The following NYAP1 variants were observed in gnomAD, a reference collection of about 807,000 sequenced individuals.
NYAP1 encodes neuronal tyrosine phosphorylated phosphoinositide-3-kinase adaptor 1.
Under a neutral mutation model 58.6 loss-of-function variants are expected in NYAP1, and 20 were observed. That is an observed-to-expected ratio of 0.34 (90% CI 0.24 to 0.50). The LOEUF (loss-of-function observed/expected upper bound fraction) is 0.50, where lower values mean the gene tolerates loss of function less well. NYAP1 is among the 20% of genes least tolerant of loss of function. The pLI, the probability that NYAP1 is intolerant of heterozygous loss-of-function variation, is 0.98. For missense variants in NYAP1, 1,150 were observed against 1,194.5 expected, an observed-to-expected ratio of 0.96 and a Z score of 0.55; for synonymous variants, 572 against 523.1, an observed-to-expected ratio of 1.09 and a Z score of -1.27.
At position 100,494,115 on chromosome 7, in the gene NYAP1, G is replaced by C. The variant is rs1799837686; in HGVS notation, c.*212G>C. ...AGCGCTGCTGAGAAACGGAGGAGGAGGAGGGTTTGCTTGAGGTTGGGGCGA... is the reference window on the plus strand; with the variant it reads ...AGCGCTGCTGAGAAACGGAGGAGGACGAGGGTTTGCTTGAGGTTGGGGCGA... On this transcript the variant is annotated 3_prime_UTR_variant, in exon 7 of 7. Transcript: ENST00000300179. 4.0e-6 allele frequency: 2 copies of C among 501,804 alleles called. No individual in the cohort carries two copies. The highest frequency in any genetic ancestry group is 6.9e-6 in the Non-Finnish European group (2 of 291,362). 31.1% of individuals were successfully genotyped at this position (501,804 alleles called of 1,614,324 possible).
At chr7:100,493,010 A>G (rs1440701448) in intron 6 of NYAP1, among the ~76,000 whole-genome samples, 1 of 151,926 alleles carries the variant, frequency 6.6e-6, no homozygotes, top group Non-Finnish European at 1.5e-5. Flanking sequence ...AAGAGAAAGA[A>G]AGAAAGGGAG....
chr7:100,492,938 AAGAG>A (rs1045319938), intron 6 of NYAP1, among the ~76,000 whole-genome samples: 13 of 152,028 alleles, frequency 8.6e-5, no homozygotes, highest in African/African-American at 1.9e-4. Flanking sequence ...AGAAGGAAGA[AAGAG>A]AGAAGGAGAG....
At position 100,493,933 on chromosome 7, in the gene NYAP1, A is replaced by AC; in HGVS notation, c.*31dup. The AC allele has an allele frequency of 7.1e-7, 1 of 1,408,358 alleles. No individual in the cohort carries two copies. 87.2% of individuals were successfully genotyped at this position (1,408,358 alleles called of 1,614,324 possible). ...GGCGGGGGGGTACCGGGGCGCCTGG[A>AC]CTGGGGAGGGGGCGGGCACGCCTGG... is the stretch of plus-strand genomic sequence containing the variant. On this transcript the variant is annotated 3_prime_UTR_variant, in exon 7 of 7. Transcript: ENST00000300179.
At position 100,486,728 on chromosome 7, in the gene NYAP1, A is replaced by G; in HGVS notation, c.69-93A>G. ...CAGGCTCCCGTCCTCTTCCCTGGGAAGCCACAGGGTTGCTGACACCTCTTG... is the reference window on the plus strand; with the variant it reads ...CAGGCTCCCGTCCTCTTCCCTGGGAGGCCACAGGGTTGCTGACACCTCTTG... On this transcript the variant is annotated intron_variant, in intron 2 of 6. Transcript: ENST00000300179. This position sits in a 1 kb window ranked among gnomAD's most constrained non-coding sequence, Gnocchi z 6.2. 4 of 1,361,102 alleles carry G rather than the reference A, an allele frequency of 2.9e-6. No individual in the cohort carries two copies. The highest frequency in any genetic ancestry group is 3.8e-6 in the Non-Finnish European group (4 of 1,050,370). 84.3% of individuals were successfully genotyped at this position (1,361,102 alleles called of 1,614,324 possible).
At position 100,488,322 on chromosome 7, in the gene NYAP1, C is replaced by T; in HGVS notation, c.601C>T (p.Arg201Ter). Residue 201 changes from arginine (R) to a stop codon, truncating the protein, a stop_gained, in exon 4 of 7, where the codon CGA (arginine) becomes TGA (stop). Coordinates refer to ENST00000300179, the MANE Select transcript of NYAP1 (RefSeq NM_173564.4). LOFTEE classifies it high-confidence loss of function. The surrounding 1 kb of genome is among the most constrained non-coding windows in gnomAD (Gnocchi z 5.9). ...LPLQRLTRGS[R>*]VAGDPDVGAQ... is the part of the protein sequence containing the mutation. ...TCTTCAGCGCCTCACTAGGGGGTCC[C>T]GAGTAGCTGGGGACCCTGATGTGGG... 1.9e-6 allele frequency: 3 copies of T among 1,610,596 alleles called. No homozygotes were observed. Among genetic ancestry groups the T allele is most frequent in the East Asian group, 2.2e-5 (1 of 44,840 alleles).
In NYAP1 at chr7:100,490,690, A is replaced by G. The variant is rs145456388; in HGVS notation, c.2119A>G (p.Ile707Val). 66 of 1,538,734 alleles carry G rather than the reference A, an allele frequency of 4.3e-5. No individual in the cohort carries two copies. The highest frequency in any genetic ancestry group is 3.4e-4 in the South Asian group (28 of 81,360). ...DRGGSRTALP[I>V]PCQTFPACHR... ...AGGAGGGAGCCGCACCGCGCTGCCC[A>G]TTCCCTGCCAGACCTTCCCCGCCTG... is the stretch of plus-strand genomic sequence containing the variant. Residue 707 changes from isoleucine to valine, a missense_variant, in exon 5 of 7, where the codon ATT becomes GTT. Transcript: ENST00000300179. This position sits in a 1 kb window ranked among gnomAD's most constrained non-coding sequence, Gnocchi z 4.6.
chr7:100,488,003 A>C lies in NYAP1; in HGVS notation c.431-149A>C. The C allele has an allele frequency of 1.7e-6, 1 of 586,792 alleles. No individual in the cohort carries two copies. Among genetic ancestry groups the C allele is most frequent in the Non-Finnish European group, 3.0e-6 (1 of 337,040 alleles). The allele number at this position is 586,792 out of a possible 1,614,324, so 36.3% of individuals were successfully genotyped here. On this transcript the variant is annotated intron_variant, in intron 3 of 6. Coordinates refer to ENST00000300179, the MANE Select transcript of NYAP1 (RefSeq NM_173564.4). The surrounding 1 kb of genome is among the most constrained non-coding windows in gnomAD (Gnocchi z 5.9). Reference sequence around the variant, plus strand: ...TTAAAAAATAAAAAAGAAATGAAGAAACCTCCTGGGGCTGTAAGTTGAGGA... The same window carrying C: ...TTAAAAAATAAAAAAGAAATGAAGACACCTCCTGGGGCTGTAAGTTGAGGA...
In NYAP1 at chr7:100,488,860, G is replaced by T. The variant is rs775736706; in HGVS notation, c.1139G>T (p.Arg380Leu). 21 of 1,599,418 alleles carry T rather than the reference G, an allele frequency of 1.3e-5. No homozygotes were observed. In the South Asian group the frequency reaches 2.0e-4, roughly 15 times the overall value. ...TPAPQVPARE[R>L]ETPPPPPPPP... ...GCTCCCCAAGTGCCTGCACGGGAGC[G>T]GGAGACGCCTCCCCCACCGCCTCCA... The change falls in exon 4 of 7, where the codon CGG becomes CTG. Residue 380 changes from arginine (R) to leucine (L), a missense_variant. By Grantham distance (102) the Arg-to-Leu change is moderately radical. Coordinates refer to ENST00000300179, the MANE Select transcript of NYAP1 (RefSeq NM_173564.4). The surrounding 1 kb of genome is among the most constrained non-coding windows in gnomAD (Gnocchi z 5.9).
rs2131071547 is a variant in NYAP1 at position 100,493,824 on chromosome 7, G to A, written c.2447G>A (p.Arg816Gln). The A allele has an allele frequency of 1.3e-6, 2 of 1,579,856 alleles. No individual in the cohort carries two copies. Among genetic ancestry groups the A allele is most frequent in the Non-Finnish European group, 1.7e-6 (2 of 1,167,294 alleles). Residue 816 changes from arginine to glutamine, a missense_variant, in exon 7 of 7, where the codon CGG becomes CAG. Coordinates refer to ENST00000300179, the MANE Select transcript of NYAP1 (RefSeq NM_173564.4). The stretch of plus-strand genomic sequence containing the variant: ...AGCATGCCCATCCTCCCCAGCTGGC[G>A]GCGGGGACCCGAGCCCCGCAAGTCC... ...QESMPILPSW[R>Q]RGPEPRKSGT...
rs763991838 is a variant in NYAP1, at chr7:100,486,980, C to T, written c.228C>T (p.Ser76=). The T allele has an allele frequency of 4.4e-6, 7 of 1,607,698 alleles. No homozygotes were observed. Among genetic ancestry groups the T allele is most frequent in the East Asian group, 4.5e-5 (2 of 44,712 alleles). ...SQEHTPHPCR[S]AMAPRSLSCH... is the part of the protein sequence containing the mutation. ...AGCACACCCCGCACCCCTGCCGCAGCGCCATGGCCCCACGCTCCCTCTCCT... is the reference window on the plus strand; with the variant it reads ...AGCACACCCCGCACCCCTGCCGCAGTGCCATGGCCCCACGCTCCCTCTCCT... Residue 76 remains serine, a synonymous_variant, in exon 3 of 7, where the codon AGC becomes AGT. Transcript: ENST00000300179. This position sits in a 1 kb window ranked among gnomAD's most constrained non-coding sequence, Gnocchi z 6.2.
rs775001918 is a variant in NYAP1 at position 100,489,093 on chromosome 7, G to A, written c.1372G>A (p.Val458Met). The change falls in exon 4 of 7, where the codon GTG (valine) becomes ATG (methionine). Residue 458 changes from valine (V) to methionine (M), a missense_variant. By Grantham distance (21) the Val-to-Met change is conservative (BLOSUM62 1). Transcript: ENST00000300179. ...LLPGPPKDKAVSYTMVYSAVK... is the reference protein window; with the variant it reads ...LLPGPPKDKAMSYTMVYSAVK... ...CCCCGGCCCCCCCAAGGACAAGGCC[G>A]TGTCTTACACCATGGTGTACTCGGC... 3.1e-5 allele frequency: 49 copies of A among 1,567,884 alleles called. No homozygotes were observed. The highest frequency in any genetic ancestry group is 1.7e-4 in the Middle Eastern group (1 of 6,016).
chr7:100,488,742 C>T lies in NYAP1; in HGVS notation c.1021C>T (p.Pro341Ser). 1 of 1,606,464 alleles carries T rather than the reference C, an allele frequency of 6.2e-7. No homozygotes were observed. The highest frequency in any genetic ancestry group is 8.5e-7 in the Non-Finnish European group (1 of 1,176,610). The change falls in exon 4 of 7, where the codon CCC (proline) becomes TCC (serine). Residue 341 changes from proline (P) to serine (S), a missense_variant. Pro to Ser is a moderately conservative substitution (Grantham distance 74). Coordinates refer to ENST00000300179, the MANE Select transcript of NYAP1 (RefSeq NM_173564.4). The surrounding 1 kb of genome is among the most constrained non-coding windows in gnomAD (Gnocchi z 5.9). ...LQHRPPLLAF[P>S]QAKSASRTPG... ...GCACCGGCCTCCACTCCTGGCCTTC[C>T]CCCAAGCCAAGTCTGCTTCCCGAAC... is the stretch of plus-strand genomic sequence containing the variant.
In NYAP1 at chr7:100,486,923, G is replaced by C; in HGVS notation, c.171G>C (p.Arg57Ser). The C allele has an allele frequency of 6.2e-7, 1 of 1,600,670 alleles. No homozygotes were observed. Among genetic ancestry groups the C allele is most frequent in the Non-Finnish European group, 8.5e-7 (1 of 1,174,920 alleles). ...RDIASLRRSL[R>S]MGFMTMPASQ... ...TCGCCTCGCTGCGGCGCTCCCTCAGGATGGGTTTCATGACGATGCCCGCCT... is the reference window on the plus strand; with the variant it reads ...TCGCCTCGCTGCGGCGCTCCCTCAGCATGGGTTTCATGACGATGCCCGCCT... Residue 57 changes from arginine (R) to serine (S), a missense_variant, in exon 3 of 7, where the codon AGG becomes AGC. Coordinates refer to ENST00000300179, the MANE Select transcript of NYAP1 (RefSeq NM_173564.4). This position sits in a 1 kb window ranked among gnomAD's most constrained non-coding sequence, Gnocchi z 6.2.
At chr7:100,492,058 CCAAAAAA>C (rs1396927182) in intron 6 of NYAP1, among the ~76,000 whole-genome samples, 4 of 150,016 alleles carry the variant, frequency 2.7e-5, no homozygotes, top group African/African-American at 7.4e-5. Flanking sequence ...TCAAAAAAAA[CCAAAAAA>C]CAAAAAACAA....
At position 100,490,788 on chromosome 7, in the gene NYAP1, C is replaced by G. The variant is rs1454570993; in HGVS notation, c.2158+59C>G. 1.1e-5 allele frequency: 15 copies of G among 1,402,376 alleles called. No individual in the cohort carries two copies. The East Asian group carries it at 3.8e-4, about 35-fold the overall frequency. The allele number at this position is 1,402,376 out of a possible 1,614,324, so 86.9% of individuals were successfully genotyped here. A position where few individuals can be genotyped will look rare whatever the true frequency, so the allele number is the denominator to read the frequency against. On this transcript the variant is annotated intron_variant, in intron 5 of 6. Coordinates refer to ENST00000300179, the MANE Select transcript of NYAP1 (RefSeq NM_173564.4). The surrounding 1 kb of genome is among the most constrained non-coding windows in gnomAD (Gnocchi z 4.6). ...GGCTGGCTGGGGGATCTCCCGGGGT[C>G]TAGCTGCACCTGTCCTGACTTCCTC...
chr7:100,492,475 C>T (rs1176540508), intron 6 of NYAP1, among the ~76,000 whole-genome samples: 1 of 152,082 alleles, frequency 6.6e-6, no homozygotes, highest in Non-Finnish European at 1.5e-5. Flanking sequence ...CTTGTGCCTG[C>T]AATCCCAGAA....
intron 4 of NYAP1, 26 bp downstream of exon 4, chr7:100,489,692 CT>C (rs1424962568): frequency 1.9e-5 from 2 of 107,370 alleles, no homozygotes; most frequent in African/African-American, 2.0e-4. Context: ...GGAGTGGGGG[CT>C]GGCATCAGGG....
In NYAP1 at chr7:100,489,412, A is replaced by G; in HGVS notation, c.1691A>G (p.Tyr564Cys). 6.2e-7 allele frequency: 1 copy of G among 1,612,926 alleles called. No homozygotes were observed. The highest frequency in any genetic ancestry group is 2.2e-5 in the East Asian group (1 of 44,876). ...GCTGGGCTCAAGAGACCCCCTGCCT[A>G]TGAGAGCCTCAAGGCTGGGGGGGTG... ...TAAGLKRPPAYESLKAGGVLN... is the reference protein window; with the variant it reads ...TAAGLKRPPACESLKAGGVLN... The change falls in exon 4 of 7, where the codon TAT becomes TGT. Residue 564 changes from tyrosine (Y) to cysteine (C), a missense_variant. Physicochemically the swap from Tyr to Cys is radical, Grantham distance 194 (BLOSUM62 -2). Coordinates refer to ENST00000300179, the MANE Select transcript of NYAP1 (RefSeq NM_173564.4).
chr7:100,494,035 C>A lies in NYAP1; in HGVS notation c.*132C>A. On this transcript the variant is annotated 3_prime_UTR_variant, in exon 7 of 7. Transcript: ENST00000300179. ...GCCAGGGAGAACCCCTGCCCTCCAA[C>A]CTACCCCCCGGGATGGGGAGAGTCT... 1 of 798,386 alleles carries A rather than the reference C, an allele frequency of 1.3e-6. No homozygotes were observed. 49.5% of individuals were successfully genotyped at this position (798,386 alleles called of 1,614,324 possible).
Sources: gnomAD v4.1 joint callset for allele counts (sites outside exome capture counted in the v4.1 genomes callset) on GRCh38, gnomAD v4.1.1 for gene constraint, Gnocchi (gnomAD v3.1) non-coding constraint, MANE v1.5 for transcripts, NCBI Gene and HGNC (gene_info 2026-07-23, HGNC 2026-07-21) for gene names.